Variants in WWP2 observed in about 807,000 individuals in gnomAD.
WWP2 encodes WW domain containing E3 ubiquitin protein ligase 2, also known as NEDD4-like E3 ubiquitin-protein ligase WWP2.
WWP2 carries 57 observed loss-of-function variants against 121.0 expected under a neutral mutation model. The ratio of observed to expected loss-of-function variants is 0.47; its 90% CI spans 0.38 to 0.59. The LOEUF is 0.59. Among genes scored for constraint, WWP2 ranks in the 20% least tolerant of loss-of-function variants. WWP2 has a pLI of 0.00. For synonymous variants in WWP2, 449 were observed against 441.3 expected, an observed-to-expected ratio of 1.02 and a Z score of -0.22; for missense variants, 962 against 1,158.9, an observed-to-expected ratio of 0.83 and a Z score of 2.47.
chr16:69,912,221 G>A (rs145764463), intron 9 of WWP2, among the ~76,000 whole-genome samples: 18 of 151,976 alleles, frequency 1.2e-4, no homozygotes, highest in East Asian at 3.9e-4. Context: ...CCCCAGCGGC[G>A]GAGGTTACAG....
intron 4 of WWP2, among the ~76,000 whole-genome samples, chr16:69,825,363 G>A (rs1297844655): frequency 6.6e-6 from 1 of 151,396 alleles, no homozygotes; most frequent in Admixed American, 6.6e-5. Flanking sequence ...GGCAGAGGTT[G>A]CAGTGAGTTG....
At chr16:69,772,604 C>T (rs2055441147) in intron 1 of WWP2, among the ~76,000 whole-genome samples, 1 of 152,166 alleles carries the variant, frequency 6.6e-6, no homozygotes, top group South Asian at 2.1e-4. Context: ...CATATTTATA[C>T]CCAGTTTTAA....
At position 69,913,671 on chromosome 16, in the gene WWP2, G is replaced by T. The variant is rs182750263; in HGVS notation, c.1005-4038G>T. On this transcript the variant is annotated intron_variant, in intron 9 of 23. Transcript: ENST00000359154. ...GATTTGGGAGAAAATAATGGCATCT[G>T]TGCAACAAGAACAGGAGGCCATGAA... is the stretch of plus-strand genomic sequence containing the variant. 4.7e-4 allele frequency among the ~76,000 whole-genome samples: 71 copies of T among 152,210 alleles called. 1 individual carries two copies. Among genetic ancestry groups the T allele is most frequent in the Middle Eastern group, 3.4e-3 (1 of 294 alleles).
intron 1 of WWP2, among the ~76,000 whole-genome samples, chr16:69,770,630 G>T (rs1437745689): frequency 6.6e-6 from 1 of 152,200 alleles, no homozygotes; most frequent in African/African-American, 2.4e-5. Context: ...TTTATAGCCG[G>T]TTGGTCAGAA....
chr16:69,895,554 A>G (rs2058093045), intron 8 of WWP2, among the ~76,000 whole-genome samples: 1 of 152,184 alleles, frequency 6.6e-6, no homozygotes, highest in Non-Finnish European at 1.5e-5. Flanking sequence ...GGTTGAGTCC[A>G]GGAGTTCGAG....
chr16:69,900,142 A>C (rs2058180446), intron 8 of WWP2, among the ~76,000 whole-genome samples: 3 of 152,150 alleles, frequency 2.0e-5, no homozygotes, highest in African/African-American at 7.2e-5. Context: ...TTTCTTTGGG[A>C]TATGTCCTAG....
intron 11 of WWP2, among the ~76,000 whole-genome samples, chr16:69,929,045 A>G (rs1181989908): frequency 6.6e-6 from 1 of 152,182 alleles, no homozygotes; most frequent in South Asian, 2.1e-4. Context: ...TCCCAGGACC[A>G]GGGATCAGCT....
In WWP2 at chr16:69,883,636, C is replaced by T. The variant is rs568360738; in HGVS notation, c.704-4403C>T. ...AGGTTTGTTACATCGGTTAAACATG[C>T]GCCATGGTGGTTTACTGCACAGATC... On this transcript the variant is annotated intron_variant, in intron 7 of 23. Transcript: ENST00000359154. Among the ~76,000 whole-genome samples the T allele has an allele frequency of 3.3e-5, 5 of 152,198 alleles. No homozygotes were observed. In the South Asian group the frequency reaches 6.2e-4, roughly 19 times the overall value.
At chr16:69,873,607 A>T (rs1434049699) in intron 7 of WWP2, among the ~76,000 whole-genome samples, 1 of 152,178 alleles carries the variant, frequency 6.6e-6, no homozygotes, top group East Asian at 1.9e-4. Context: ...CAGCAAAGTG[A>T]TGGCCGTGAG....
At chr16:69,902,026 G>C (rs1200310202) in intron 8 of WWP2, among the ~76,000 whole-genome samples, 1 of 152,142 alleles carries the variant, frequency 6.6e-6, no homozygotes, top group East Asian at 1.9e-4. Context: ...ATCCCTTTTA[G>C]CTTAATCCTA....
intron 9 of WWP2, chr16:69,909,228 C>G: frequency 5.0e-6 from 5 of 998,316 alleles, no homozygotes; most frequent in Non-Finnish European, 6.0e-6. Flanking sequence ...GAAGACTGTC[C>G]AAGTTCAAGG....
At chr16:69,872,458 G>T (rs114260751) in intron 7 of WWP2, among the ~76,000 whole-genome samples, 1 of 152,112 alleles carries the variant, frequency 6.6e-6, no homozygotes, top group Non-Finnish European at 1.5e-5. Context: ...CCTTGTGATC[G>T]CCCGTCTTGG....
intron 2 of WWP2, among the ~76,000 whole-genome samples, chr16:69,792,943 G>C (rs1597674175): frequency 6.6e-6 from 1 of 152,084 alleles, no homozygotes; most frequent in Admixed American, 6.5e-5. Flanking sequence ...CTTCTGCCTC[G>C]GCCTCCTAAA....
intron 1 of WWP2, chr16:69,782,998 G>A (rs1255103368): frequency 1.3e-5 from 2 of 149,658 alleles, no homozygotes; most frequent in Non-Finnish European, 2.9e-5. Flanking sequence ...CTCATATGAA[G>A]GGCTTTTGTC....
chr16:69,929,311 T>G (rs1325150885), intron 11 of WWP2, 137 bp from the exon 12 acceptor site: 1 of 733,916 alleles, frequency 1.4e-6, no homozygotes, highest in Non-Finnish European at 2.3e-6. Flanking sequence ...GAGCTTGGCT[T>G]TGGCTGGTTC....
intron 1 of WWP2, among the ~76,000 whole-genome samples, chr16:69,773,532 A>G (rs999241826): frequency 6.6e-6 from 1 of 150,886 alleles, no homozygotes; most frequent in African/African-American, 2.4e-5. Flanking sequence ...CTCAGGCTGG[A>G]GTGCAGTGGA....
chr16:69,839,794 C>T (rs922541040), intron 4 of WWP2, among the ~76,000 whole-genome samples: 4 of 152,202 alleles, frequency 2.6e-5, no homozygotes, highest in African/African-American at 9.6e-5. Flanking sequence ...CTAATTTCTT[C>T]GTCTGTACGC....
intron 2 of WWP2, 85 bp downstream of exon 2, chr16:69,787,165 AT>A: frequency 9.2e-7 from 1 of 1,086,446 alleles, no homozygotes; most frequent in Non-Finnish European, 1.3e-6. Context: ...GGGGAGCCAA[AT>A]TTTGTGAAAT....
chr16:69,779,113 C>A (rs573161281), intron 1 of WWP2, among the ~76,000 whole-genome samples: 1 of 151,864 alleles, frequency 6.6e-6, no homozygotes, highest in African/African-American at 2.4e-5. Context: ...CCACACCCGG[C>A]TAATTTGTTA....
Sources: allele counts gnomAD v4.1 joint callset (sites outside exome capture counted in the v4.1 genomes callset), GRCh38; gene constraint gnomAD v4.1.1; transcripts MANE v1.5; gene names NCBI Gene and HGNC (gene_info 2026-07-23, HGNC 2026-07-21).